Variants in BRAF observed in about 807,000 individuals in gnomAD.
BRAF encodes the protein serine/threonine-protein kinase B-raf.
In BRAF, 16 loss-of-function variants were observed where a neutral mutation model predicts 104.6. The observed-to-expected ratio is 0.15, with a 90% confidence interval of 0.10 to 0.23. The LOEUF (loss-of-function observed/expected upper bound fraction) is 0.23. Ranked by LOEUF, BRAF falls within the 10% of genes least tolerant of loss-of-function variation. The pLI, the probability that BRAF is intolerant of heterozygous loss-of-function variation, is 1.00. For synonymous variants in BRAF, 310 were observed against 341.6 expected (o/e 0.91, Z 1.02); for missense variants, 541 against 937.3 (o/e 0.58, Z 5.52).
At chr7:140,787,218 G>A (rs1362983792) in intron 9 of BRAF, among the ~76,000 whole-genome samples, 2 of 148,610 alleles carry the variant, frequency 1.3e-5, no homozygotes, top group Admixed American at 6.8e-5. Context: ...GGAGAATGGC[G>A]TGAACCCGGG....
At chr7:140,803,186 C>T (rs1803308384) in intron 5 of BRAF, among the ~76,000 whole-genome samples, 2 of 152,146 alleles carry the variant, frequency 1.3e-5, no homozygotes, top group South Asian at 2.1e-4. Context: ...AACAAAATCA[C>T]CATTGATGCA....
At chr7:140,767,115 T>G (rs2129011795) in intron 14 of BRAF, among the ~76,000 whole-genome samples, 1 of 152,102 alleles carries the variant, frequency 6.6e-6, no homozygotes, top group Non-Finnish European at 1.5e-5. Context: ...GAGATCCACT[T>G]GTCTCAGCTT....
chr7:140,756,595 T>A (rs994866597), intron 14 of BRAF, among the ~76,000 whole-genome samples: 6 of 152,050 alleles, frequency 3.9e-5, no homozygotes, highest in Admixed American at 2.6e-4. Context: ...CATAACTGTT[T>A]GGGAGTAGGG....
intron 9 of BRAF, among the ~76,000 whole-genome samples, chr7:140,787,193 C>T (rs1170384716): frequency 2.8e-5 from 4 of 145,292 alleles, no homozygotes; most frequent in Admixed American, 7.2e-5. Flanking sequence ...CCCAGCTACT[C>T]GGGAGGCTGA....
At chr7:140,729,207 C>G (rs975008742) in intron 19 of BRAF, among the ~76,000 whole-genome samples, 6 of 152,048 alleles carry the variant, frequency 3.9e-5, no homozygotes, top group African/African-American at 1.5e-4. Flanking sequence ...TGCACTCCAG[C>G]CTGAGTAACG....
In BRAF at chr7:140,723,444, C is replaced by T; in HGVS notation, c.*3050G>A. On this transcript the variant is annotated 3_prime_UTR_variant, in exon 20 of 20. Transcript: ENST00000644969. ...AGTATGCCCTACTAGATCTCAAATA[C>T]AATCAGGGGTGAGATATTCGGGAAC... 1 of 1,054,456 alleles carries T rather than the reference C, an allele frequency of 9.5e-7. No homozygotes were observed. The highest frequency in any genetic ancestry group is 1.1e-6 in the Non-Finnish European group (1 of 872,808). The allele number at this position is 1,054,456 out of a possible 1,614,324, so 65.3% of individuals were successfully genotyped here.
At chr7:140,851,818 T>C (rs1288637725) in intron 1 of BRAF, among the ~76,000 whole-genome samples, 3 of 152,216 alleles carry the variant, frequency 2.0e-5, no homozygotes, top group African/African-American at 7.2e-5. Flanking sequence ...TCTTACAAAG[T>C]TGAGCACTTT....
intron 1 of BRAF, among the ~76,000 whole-genome samples, chr7:140,893,781 A>T (rs933310924): frequency 2.6e-5 from 4 of 152,204 alleles, no homozygotes; most frequent in Admixed American, 6.5e-5. Flanking sequence ...GAAGTCTCTG[A>T]TATATCCCCA....
chr7:140,914,243 G>T (rs772981804), intron 1 of BRAF, among the ~76,000 whole-genome samples: 4 of 152,062 alleles, frequency 2.6e-5, no homozygotes, highest in Non-Finnish European at 4.4e-5. Context: ...AACACATATG[G>T]CCTACTAGAA....
intron 1 of BRAF, among the ~76,000 whole-genome samples, chr7:140,889,358 C>T (rs1490815929): frequency 1.3e-5 from 2 of 152,126 alleles, no homozygotes; most frequent in Non-Finnish European, 2.9e-5. Flanking sequence ...AAAAACCCTT[C>T]ATAATTTTAA....
At chr7:140,917,701 T>C (rs1002513870) in intron 1 of BRAF, among the ~76,000 whole-genome samples, 3 of 152,152 alleles carry the variant, frequency 2.0e-5, no homozygotes, top group African/African-American at 7.2e-5. Flanking sequence ...ATAACATATA[T>C]AGTCTCCCTT....
intron 16 of BRAF, among the ~76,000 whole-genome samples, chr7:140,751,117 G>A (rs775342563): frequency 4.6e-5 from 7 of 151,990 alleles, no homozygotes; most frequent in Non-Finnish European, 1.0e-4. Context: ...TTATTCTCTC[G>A]TCTTAAAACT....
chr7:140,755,749 G>A (rs1798149542), intron 14 of BRAF, among the ~76,000 whole-genome samples: 2 of 152,040 alleles, frequency 1.3e-5, no homozygotes, highest in South Asian at 4.1e-4. Flanking sequence ...GGAAATAAAT[G>A]GGCCCCAATC....
At chr7:140,791,868 G>T (rs1802002846) in intron 8 of BRAF, among the ~76,000 whole-genome samples, 1 of 152,140 alleles carries the variant, frequency 6.6e-6, no homozygotes, top group Non-Finnish European at 1.5e-5. Context: ...AAACAGTATA[G>T]TGGTTAAGTG....
intron 18 of BRAF, among the ~76,000 whole-genome samples, chr7:140,737,834 T>C (rs1200984356): frequency 1.3e-5 from 2 of 152,224 alleles, no homozygotes; most frequent in Admixed American, 6.5e-5. Context: ...TTTAAAGGGA[T>C]AGCCTCCAAT....
At chr7:140,901,374 A>C (rs1815609743) in intron 1 of BRAF, among the ~76,000 whole-genome samples, 1 of 152,230 alleles carries the variant, frequency 6.6e-6, no homozygotes. Context: ...GGTAATAACC[A>C]GGATGAGCAG....
intron 14 of BRAF, among the ~76,000 whole-genome samples, chr7:140,763,469 C>A (rs1297997342): frequency 6.6e-6 from 1 of 152,120 alleles, no homozygotes; most frequent in East Asian, 1.9e-4. Flanking sequence ...GGGGCTGACC[C>A]CCCCACCTCC....
intron 1 of BRAF, among the ~76,000 whole-genome samples, chr7:140,867,426 A>G (rs928598499): frequency 7.9e-5 from 12 of 152,200 alleles, no homozygotes; most frequent in African/African-American, 2.9e-4. Flanking sequence ...CATTCAACAA[A>G]TATTTAATGA....
At chr7:140,837,270 C>T (rs1022328149) in intron 2 of BRAF, among the ~76,000 whole-genome samples, 1 of 152,204 alleles carries the variant, frequency 6.6e-6, no homozygotes, top group African/African-American at 2.4e-5. Flanking sequence ...AGAAGCATCA[C>T]AGTCTTTACA....
Sources: gnomAD v4.1 joint callset for allele counts (sites outside exome capture counted in the v4.1 genomes callset) on GRCh38, gnomAD v4.1.1 for gene constraint, MANE v1.5 for transcripts, NCBI Gene and HGNC (gene_info 2026-07-23, HGNC 2026-07-21) for gene names.